The following FNDC11 variants were observed in gnomAD, a reference collection of about 807,000 sequenced individuals.
The protein encoded by FNDC11 is fibronectin type III domain containing 11.
In FNDC11, 15 loss-of-function variants were observed where a neutral mutation model predicts 15.8. The ratio of observed to expected loss-of-function variants is 0.95; its 90% CI spans 0.63 to 1.46. FNDC11 has a LOEUF of 1.46. Among genes scored for constraint, FNDC11 ranks in the 40% most tolerant of loss-of-function variants. FNDC11 has a pLI of 0.00. For missense variants in FNDC11, 416 were observed against 443.4 expected, an observed-to-expected ratio of 0.94 and a Z score of 0.55; for synonymous variants, 190 against 203.1, an observed-to-expected ratio of 0.94 and a Z score of 0.55.
Position 63,556,228 on chromosome 20 carries a change from G to T in FNDC11, c.565G>T (p.Val189Leu). The change falls in exon 2 of 2, where the codon GTG becomes TTG. Residue 189 changes from valine to leucine, a missense_variant. Val to Leu is a conservative substitution (Grantham distance 32, BLOSUM62 1). Transcript: ENST00000370097. ...PGRLHVKHRL[V>L]SDVSATKIPH... Reference sequence around the variant, plus strand: ...GCGGCTACACGTCAAGCACCGCCTGGTGTCTGATGTCAGTGCCACCAAGAT... The same window carrying T: ...GCGGCTACACGTCAAGCACCGCCTGTTGTCTGATGTCAGTGCCACCAAGAT... 6.3e-7 allele frequency: 1 copy of T among 1,593,916 alleles called. No homozygotes were observed.
chr20:63,555,982 A>G lies in FNDC11; in HGVS notation c.319A>G (p.Lys107Glu). 3 of 1,600,884 alleles carry G rather than the reference A, an allele frequency of 1.9e-6. No homozygotes were observed. Among genetic ancestry groups the G allele is most frequent in the Non-Finnish European group, 1.7e-6 (2 of 1,179,936 alleles). Residue 107 changes from lysine to glutamate, a missense_variant, in exon 2 of 2, where the codon AAG becomes GAG. Physicochemically the swap from Lys to Glu is moderately conservative, Grantham distance 56. Transcript: ENST00000370097. The stretch of plus-strand genomic sequence containing the variant: ...CTTGTTCCAGCTCATCGACCCCTGG[A>G]AGTTCCAGCGCATGAAGAAGGTGGG... ...SALFQLIDPW[K>E]FQRMKKVGTA...
At chr20:63,553,365 GA>G (rs1356328143), upstream of FNDC11, among the ~76,000 whole-genome samples, 1 of 150,808 alleles carries the variant, frequency 6.6e-6, no homozygotes, top group East Asian at 2.0e-4. Flanking sequence ...GTAGTGGGAG[GA>G]GCCTGTAGTG....
At position 63,556,304 on chromosome 20, in the gene FNDC11, G is replaced by A. The variant is rs766211764; in HGVS notation, c.641G>A (p.Arg214Gln). 2.9e-5 allele frequency: 47 copies of A among 1,604,916 alleles called. No homozygotes were observed. The highest frequency in any genetic ancestry group is 3.5e-5 in the Non-Finnish European group (41 of 1,173,366). ...LSTKMPVVFD[R>Q]KASAAHQDWA... Reference sequence around the variant, plus strand: ...ACCAAGATGCCTGTCGTGTTTGACCGAAAGGCGTCGGCGGCTCACCAGGAC... The same window carrying A: ...ACCAAGATGCCTGTCGTGTTTGACCAAAAGGCGTCGGCGGCTCACCAGGAC... Residue 214 changes from arginine (R) to glutamine (Q), a missense_variant, in exon 2 of 2, where the codon CGA becomes CAA. Coordinates refer to ENST00000370097, the MANE Select transcript of FNDC11 (RefSeq NM_001319152.2).
chr20:63,554,392 G>T (rs993883518), intron 1 of FNDC11, 186 bp downstream of exon 1: 1 of 152,590 alleles, frequency 6.6e-6, no homozygotes, highest in Non-Finnish European at 1.5e-5. Context: ...TGGGACCGGG[G>T]CGTGTAGGAA....
At chr20:63,553,601 G>A (rs1345575675), upstream of FNDC11, 1 of 133,316 alleles carries the variant, frequency 7.5e-6, no homozygotes, top group Admixed American at 7.0e-5. Context: ...TTGCGGGGGA[G>A]GGGGGAGCCC....
rs201714591 is a variant in FNDC11 at position 63,556,109 on chromosome 20, C to T, written c.446C>T (p.Pro149Leu). ...ELDALLRSPD[P>L]RPFLADWALV... ...GATGCCCTGCTCCGGTCGCCAGACC[C>T]ACGGCCCTTCCTGGCCGACTGGGCG... Residue 149 changes from proline to leucine, a missense_variant, in exon 2 of 2, where the codon CCA becomes CTA. Physicochemically the swap from Pro to Leu is moderately conservative, Grantham distance 98 (BLOSUM62 -3). Transcript: ENST00000370097. 29 of 1,594,854 alleles carry T rather than the reference C, an allele frequency of 1.8e-5. No homozygotes were observed. The highest frequency in any genetic ancestry group is 3.3e-4 in the Middle Eastern group (2 of 6,042).
chr20:63,553,148 AC>A (rs2082773680), upstream of FNDC11: 1 of 152,320 alleles, frequency 6.6e-6, no homozygotes, highest in Non-Finnish European at 1.5e-5. Context: ...ACCCCAGGAG[AC>A]CCCCAGCTAG....
chr20:63,555,862 C>T lies in FNDC11; in HGVS notation c.199C>T (p.Arg67Cys), dbSNP rs1417610329. The part of the protein sequence containing the change: ...SPHLLKRHHA[R>C]MQLLRKCSYY... The stretch of plus-strand genomic sequence containing the variant: ...GCACCTGCTCAAGCGCCACCACGCC[C>T]GCATGCAGCTGCTGCGTAAGTGCTC... The change falls in exon 2 of 2, where the codon CGC (arginine) becomes TGC (cysteine). Residue 67 changes from arginine to cysteine, a missense_variant. By Grantham distance (180) the Arg-to-Cys change is radical (BLOSUM62 -3). Coordinates refer to ENST00000370097, the MANE Select transcript of FNDC11 (RefSeq NM_001319152.2). The T allele has an allele frequency of 3.1e-6, 5 of 1,612,804 alleles. No homozygotes were observed. The highest frequency in any genetic ancestry group is 1.3e-5 in the African/African-American group (1 of 74,952).
In FNDC11 at chr20:63,556,087, G is replaced by A. The variant is rs959149201; in HGVS notation, c.424G>A (p.Ala142Thr). The A allele has an allele frequency of 5.0e-6, 8 of 1,596,334 alleles. No homozygotes were observed. Among genetic ancestry groups the A allele is most frequent in the Middle Eastern group, 1.6e-4 (1 of 6,076 alleles). Residue 142 changes from alanine (A) to threonine (T), a missense_variant, in exon 2 of 2, where the codon GCC becomes ACC. Coordinates refer to ENST00000370097, the MANE Select transcript of FNDC11 (RefSeq NM_001319152.2). ...QLDHGRAELD[A>T]LLRSPDPRPF... ...CGACCATGGCCGTGCTGAGCTGGATGCCCTGCTCCGGTCGCCAGACCCACG... is the reference window on the plus strand; with the variant it reads ...CGACCATGGCCGTGCTGAGCTGGATACCCTGCTCCGGTCGCCAGACCCACG...
At chr20:63,555,396 T>C in intron 1 of FNDC11, 1 of 487,500 alleles carries the variant, frequency 2.1e-6, no homozygotes, top group Non-Finnish European at 3.6e-6. Flanking sequence ...TGGCCAGAAG[T>C]CCGCAGTCCT....
rs1423133685 is a variant in FNDC11 at position 63,556,481 on chromosome 20, T to C, written c.818T>C (p.Leu273Pro). ...GCCTGCACCTTCGACGTCCGAAACC[T>C]GCTGCCCAACCGATCCTATAAGTTC... is the stretch of plus-strand genomic sequence containing the variant. ...VAACTFDVRN[L>P]LPNRSYKFTI... The change falls in exon 2 of 2, where the codon CTG (leucine) becomes CCG (proline). Residue 273 changes from leucine (L) to proline (P), a missense_variant. Physicochemically the swap from Leu to Pro is moderately conservative, Grantham distance 98. Transcript: ENST00000370097. The C allele has an allele frequency of 6.2e-7, 1 of 1,613,626 alleles. No individual in the cohort carries two copies. The highest frequency in any genetic ancestry group is 8.5e-7 in the Non-Finnish European group (1 of 1,179,998).
chr20:63,553,446 GCCTGTGGTGGGAAGAC>G (rs1407064745), upstream of FNDC11, among the ~76,000 whole-genome samples: 4 of 144,712 alleles, frequency 2.8e-5, no homozygotes, highest in African/African-American at 1.0e-4. Flanking sequence ...GCTGGGAGGA[GCCTGTGGTGGGAAGAC>G]CCTGTGGTGG....
rs770778521 is a variant in FNDC11, at chr20:63,556,602, C to G, written c.939C>G (p.Ala313=). 8.7e-6 allele frequency: 14 copies of G among 1,611,680 alleles called. No homozygotes were observed. Among genetic ancestry groups the G allele is most frequent in the Non-Finnish European group, 1.2e-5 (14 of 1,178,854 alleles). Residue 313 remains alanine, a synonymous_variant, in exon 2 of 2, where the codon GCC becomes GCG. Coordinates refer to ENST00000370097, the MANE Select transcript of FNDC11 (RefSeq NM_001319152.2). ...HTKPEPLEGP[A]LSHSV is the part of the protein sequence containing the mutation. ...AGCCGGAGCCCCTGGAGGGGCCCGC[C>G]CTCAGCCACTCTGTCTGAGAGATGA...
Position 63,556,403 on chromosome 20 carries a change from TGGACCCGC to T in FNDC11, c.745_752del (p.Pro249ThrfsTer29). ...CAGTATGAGTTGCGCTTCAGGCTGC[TGGACCCGC>T]GGACACAGCAGGAGTGCGCCCAGTG... On this transcript the variant is annotated frameshift_variant, in exon 2 of 2. Coordinates refer to ENST00000370097, the MANE Select transcript of FNDC11 (RefSeq NM_001319152.2). LOFTEE classifies it high-confidence loss of function. 6.2e-7 allele frequency: 1 copy of T among 1,613,082 alleles called. No homozygotes were observed. The highest frequency in any genetic ancestry group is 1.3e-5 in the African/African-American group (1 of 75,068).
intron 1 of FNDC11, 186 bp from the exon 2 acceptor site, chr20:63,555,468 A>G (rs976815032): frequency 9.5e-6 from 9 of 951,018 alleles, no homozygotes; most frequent in Non-Finnish European, 1.4e-5. Context: ...GCCCCTCAGT[A>G]TAAACTGTGT....
intron 1 of FNDC11, chr20:63,555,379 G>A (rs958153805): frequency 4.6e-6 from 2 of 437,394 alleles, no homozygotes; most frequent in Non-Finnish European, 8.2e-6. Context: ...CACAGGTCAG[G>A]CGGTTCTGGC....
chr20:63,553,358 G>T (rs1290902236), upstream of FNDC11, among the ~76,000 whole-genome samples: 1 of 116,746 alleles, frequency 8.6e-6, no homozygotes, highest in Non-Finnish European at 1.8e-5. Context: ...GGAGCCTGTA[G>T]TGGGAGGAGC....
At position 63,556,554 on chromosome 20, in the gene FNDC11, G is replaced by A. The variant is rs2082817209; in HGVS notation, c.891G>A (p.Arg297=). 6.2e-7 allele frequency: 1 copy of A among 1,613,372 alleles called. No individual in the cohort carries two copies. The highest frequency in any genetic ancestry group is 8.5e-7 in the Non-Finnish European group (1 of 1,180,036). The change falls in exon 2 of 2, where the codon AGG becomes AGA. Residue 297 remains arginine (R), a synonymous_variant. Coordinates refer to ENST00000370097, the MANE Select transcript of FNDC11 (RefSeq NM_001319152.2). ...ETSTLVYEPW[R]DSLTLHTKPE... ...CCACGCTGGTGTACGAGCCCTGGAGGGACAGCCTCACCCTGCACACCAAGC... is the reference window on the plus strand; with the variant it reads ...CCACGCTGGTGTACGAGCCCTGGAGAGACAGCCTCACCCTGCACACCAAGC...
intron 1 of FNDC11, chr20:63,554,768 C>T (rs574583060): frequency 1.3e-5 from 2 of 152,424 alleles, no homozygotes; most frequent in East Asian, 3.9e-4. Flanking sequence ...TCAGCAACTG[C>T]TTAGCTCTCA....
Sources: allele counts gnomAD v4.1 joint callset (sites outside exome capture counted in the v4.1 genomes callset), GRCh38; gene constraint gnomAD v4.1.1; transcripts MANE v1.5; gene names NCBI Gene and HGNC (gene_info 2026-07-23, HGNC 2026-07-21).